SLC9B1: variants seen among roughly 807,000 people sequenced by gnomAD.
The protein encoded by SLC9B1 is solute carrier family 9 member B1.
Under a neutral mutation model 51.7 loss-of-function variants are expected in SLC9B1, and 32 were observed. That is an observed-to-expected ratio of 0.62 (90% CI 0.47 to 0.83). The LOEUF is 0.83. Ranked by LOEUF, SLC9B1 falls within the 40% of genes least tolerant of loss-of-function variation. The pLI, the probability that SLC9B1 is intolerant of heterozygous loss-of-function variation, is 0.00. For synonymous variants in SLC9B1, 145 were observed against 212.7 expected (o/e 0.68, Z 2.77); for missense variants, 406 against 613.2 (o/e 0.66, Z 3.57).
At chr4:102,971,288 C>G (rs1738748268) in intron 3 of SLC9B1, among the ~76,000 whole-genome samples, 1 of 152,306 alleles carries the variant, frequency 6.6e-6, no homozygotes, top group East Asian at 1.9e-4. Flanking sequence ...AACAAACTGT[C>G]TCCCAGACCA....
intron 6 of SLC9B1, among the ~76,000 whole-genome samples, chr4:102,933,769 A>C (rs1365773144): frequency 1.3e-5 from 2 of 152,220 alleles, no homozygotes; most frequent in Non-Finnish European, 2.9e-5. Context: ...ATCAATTAAA[A>C]ACACAAAATA....
chr4:102,934,855 T>G (rs1397928490), intron 6 of SLC9B1, among the ~76,000 whole-genome samples: 1 of 151,762 alleles, frequency 6.6e-6, no homozygotes, highest in Non-Finnish European at 1.5e-5. Flanking sequence ...GCATTAGACA[T>G]AAAAAGAGAT....
chr4:102,969,093 A>G (rs1366691204), intron 3 of SLC9B1, among the ~76,000 whole-genome samples: 3 of 152,168 alleles, frequency 2.0e-5, no homozygotes, highest in Non-Finnish European at 4.4e-5. Flanking sequence ...TGTAGACGCC[A>G]CCTCTGGGGG....
chr4:103,019,155 G>A (rs142468775), intron 1 of SLC9B1, among the ~76,000 whole-genome samples: 1 of 152,194 alleles, frequency 6.6e-6, no homozygotes, highest in Non-Finnish European at 1.5e-5. Flanking sequence ...GGGCGTGGAT[G>A]TGGGTGGGTG....
chr4:102,998,387 G>A (rs2110526653), intron 1 of SLC9B1, among the ~76,000 whole-genome samples: 1 of 152,152 alleles, frequency 6.6e-6, no homozygotes, highest in East Asian at 1.9e-4. Context: ...TTTAAAGGCT[G>A]AATAATATGC....
At chr4:102,983,614 T>G (rs1739469642) in intron 3 of SLC9B1, among the ~76,000 whole-genome samples, 1 of 152,186 alleles carries the variant, frequency 6.6e-6, no homozygotes, top group Admixed American at 6.5e-5. Flanking sequence ...TTTGGCAGAT[T>G]GTGTCTTTCA....
intron 1 of SLC9B1, among the ~76,000 whole-genome samples, chr4:103,009,295 C>G (rs961608268): frequency 4.6e-5 from 7 of 152,180 alleles, no homozygotes; most frequent in African/African-American, 1.4e-4. Flanking sequence ...GCTTTTGGAG[C>G]AATGTTGTGC....
chr4:102,975,584 ATAT>A (rs1192604254), intron 3 of SLC9B1, among the ~76,000 whole-genome samples: 9 of 80,180 alleles, frequency 1.1e-4, no homozygotes, highest in East Asian at 3.6e-4. Context: ...ATATATATAT[ATAT>A]TTTTTTTTTT....
intron 7 of SLC9B1, among the ~76,000 whole-genome samples, chr4:102,927,977 C>T (rs138557664): frequency 1.3e-5 from 2 of 150,698 alleles, no homozygotes; most frequent in Non-Finnish European, 2.9e-5. Flanking sequence ...ATCACAAGGA[C>T]AGAAAACCAA....
At position 102,901,042 on chromosome 4, in the gene SLC9B1, T is replaced by A; in HGVS notation, c.*75A>T. The A allele has an allele frequency of 2.5e-6, 4 of 1,595,838 alleles. No homozygotes were observed. The highest frequency in any genetic ancestry group is 3.4e-6 in the Non-Finnish European group (4 of 1,174,058). On this transcript the variant is annotated 3_prime_UTR_variant, in exon 12 of 12. Transcript: ENST00000296422. The stretch of plus-strand genomic sequence containing the variant: ...GGATTCTCTGTACAGTCCCCACATA[T>A]TTCTACTTTAAAATTCTTCTGTCAT...
chr4:102,952,825 T>C (rs1180532768), intron 3 of SLC9B1, among the ~76,000 whole-genome samples: 1 of 63,488 alleles, frequency 1.6e-5, no homozygotes, highest in Non-Finnish European at 3.0e-5. Context: ...TTGTTTGTTT[T>C]TTTCTTGTAA....
chr4:102,892,914 C>G (rs1166309266), intron 11 of SLC9B1: 1 of 151,980 alleles, frequency 6.6e-6, no homozygotes, highest in Non-Finnish European at 1.5e-5. Flanking sequence ...TTAAGAAACT[C>G]AAAACTCACA....
chr4:102,914,272 T>C (rs749543762), intron 7 of SLC9B1, among the ~76,000 whole-genome samples: 2 of 140,548 alleles, frequency 1.4e-5, no homozygotes, highest in Non-Finnish European at 3.0e-5. Context: ...TCTCAAGCAA[T>C]GATTTTAGGT....
intron 9 of SLC9B1, among the ~76,000 whole-genome samples, chr4:102,909,462 G>T (rs1164258461): frequency 6.6e-6 from 1 of 152,040 alleles, no homozygotes; most frequent in African/African-American, 2.4e-5. Flanking sequence ...AATTTGCTGG[G>T]TGTGGTGGTG....
At chr4:102,939,051 T>A (rs575573266) in intron 6 of SLC9B1, among the ~76,000 whole-genome samples, 8 of 149,386 alleles carry the variant, frequency 5.4e-5, no homozygotes, top group Non-Finnish European at 1.2e-4. Flanking sequence ...TGAAATTGAG[T>A]CATGAAAAGC....
chr4:102,959,297 G>C (rs570460661), intron 3 of SLC9B1, among the ~76,000 whole-genome samples: 70 of 152,006 alleles, frequency 4.6e-4, no homozygotes, highest in East Asian at 1.2e-3. Flanking sequence ...GAAAACATAA[G>C]TGTAATTACT....
chr4:102,987,051 G>C (rs1469880343), intron 3 of SLC9B1, among the ~76,000 whole-genome samples: 1 of 152,134 alleles, frequency 6.6e-6, no homozygotes, highest in African/African-American at 2.4e-5. Context: ...ATGATGTACT[G>C]AGTAAAAGGA....
chr4:103,003,624 G>C (rs1393658878), intron 1 of SLC9B1, among the ~76,000 whole-genome samples: 1 of 152,148 alleles, frequency 6.6e-6, no homozygotes, highest in Non-Finnish European at 1.5e-5. Context: ...GAGGCAGCTG[G>C]CATGTGTGAG....
At chr4:102,955,279 T>C (rs1037836745) in intron 3 of SLC9B1, among the ~76,000 whole-genome samples, 1 of 152,196 alleles carries the variant, frequency 6.6e-6, no homozygotes, top group Non-Finnish European at 1.5e-5. Context: ...GCCGCCACCA[T>C]GTAAGAAGTG....
Sources: gnomAD v4.1 joint callset for allele counts (sites outside exome capture counted in the v4.1 genomes callset) on GRCh38, gnomAD v4.1.1 for gene constraint, MANE v1.5 for transcripts, NCBI Gene and HGNC (gene_info 2026-07-23, HGNC 2026-07-21) for gene names.